Variants in CIT observed in about 807,000 individuals in gnomAD.
CIT encodes the protein citron Rho-interacting kinase.
Under a neutral mutation model 272.7 loss-of-function variants are expected in CIT, and 79 were observed. The ratio of observed to expected loss-of-function variants is 0.29; its 90% CI spans 0.24 to 0.35. The LOEUF (loss-of-function observed/expected upper bound fraction) is 0.35. Ranked by LOEUF, CIT falls within the 10% of genes least tolerant of loss-of-function variation. CIT has a pLI of 1.00. For synonymous variants in CIT, 948 were observed against 995.6 expected, an observed-to-expected ratio of 0.95 and a Z score of 0.90; for missense variants, 1,909 against 2,618.3, an observed-to-expected ratio of 0.73 and a Z score of 5.91.
At position 119,710,393 on chromosome 12, in the gene CIT, G is replaced by C; in HGVS notation, c.4936-7C>G. The C allele has an allele frequency of 6.2e-7, 1 of 1,614,080 alleles. No individual in the cohort carries two copies. The highest frequency in any genetic ancestry group is 8.5e-7 in the Non-Finnish European group (1 of 1,180,002). On this transcript the variant is annotated splice_polypyrimidine_tract_variant and splice_region_variant and intron_variant, in intron 38 of 47. Transcript: ENST00000392521. The surrounding 1 kb of genome is among the most constrained non-coding windows in gnomAD (Gnocchi z 5.6). Reference sequence around the variant, plus strand: ...CGGTGCCCACCAACACCACCTGCAAGGGCAGAAGTCCGAAGGCAGAACATA... The same window carrying C: ...CGGTGCCCACCAACACCACCTGCAACGGCAGAAGTCCGAAGGCAGAACATA...
At position 119,782,598 on chromosome 12, in the gene CIT, A is replaced by T. The variant is rs754666801; in HGVS notation, c.1585T>A (p.Ser529Thr). Residue 529 changes from serine (S) to threonine (T), a missense_variant, in exon 13 of 48, where the codon TCC (serine) becomes ACC (threonine). Ser to Thr is a moderately conservative substitution (Grantham distance 58, BLOSUM62 1). Around this residue, in one of 8 missense-constraint regions of CIT, gnomAD observed 19 missense variants for 21.4 expected, o/e 0.89. Coordinates refer to ENST00000392521, the MANE Select transcript of CIT (RefSeq NM_001206999.2). The part of the protein sequence containing the change: ...RSLEQARMEV[S>T]QEDDKALQLL... ...TGCAGTGCTTTGTCATCCTCCTGGGACACCTCCATCCGTGCTTGCTCCAAA... is the reference window on the plus strand; with the variant it reads ...TGCAGTGCTTTGTCATCCTCCTGGGTCACCTCCATCCGTGCTTGCTCCAAA... 10 of 1,614,174 alleles carry T rather than the reference A, an allele frequency of 6.2e-6. No homozygotes were observed. The Admixed American group carries it at 1.7e-4, about 27-fold the overall frequency.
At chr12:119,719,158 C>T (rs780905160) in intron 30 of CIT, among the ~76,000 whole-genome samples, 1 of 152,014 alleles carries the variant, frequency 6.6e-6, no homozygotes, top group Non-Finnish European at 1.5e-5. Context: ...CTGAGTCTTT[C>T]CCATTCAAAA....
chr12:119,814,826 C>T (rs1244874687), intron 9 of CIT, among the ~76,000 whole-genome samples: 7 of 151,986 alleles, frequency 4.6e-5, no homozygotes, highest in African/African-American at 1.7e-4. Flanking sequence ...TACCTGAGGT[C>T]AGGAGTTCGA....
intron 4 of CIT, among the ~76,000 whole-genome samples, chr12:119,855,715 T>C (rs1046631487): frequency 1.3e-5 from 2 of 152,182 alleles, no homozygotes; most frequent in African/African-American, 2.4e-5. Flanking sequence ...TATAATTTTA[T>C]AAGCCCCCAG....
chr12:119,795,569 G>A (rs961644460), intron 10 of CIT, among the ~76,000 whole-genome samples: 1 of 152,134 alleles, frequency 6.6e-6, no homozygotes, highest in East Asian at 1.9e-4. Context: ...GTACCTAGAA[G>A]AGTAGATTCT....
chr12:119,779,949 AAGATCAGCTG>A (rs1367080059), intron 13 of CIT, among the ~76,000 whole-genome samples: 3 of 152,250 alleles, frequency 2.0e-5, no homozygotes, highest in Admixed American at 6.5e-5. Context: ...GTCTGTTTGC[AAGATCAGCTG>A]AGAGAGAGCT....
chr12:119,790,553 C>T (rs61945559), intron 10 of CIT, among the ~76,000 whole-genome samples: 1 of 151,890 alleles, frequency 6.6e-6, no homozygotes, highest in Non-Finnish European at 1.5e-5. Flanking sequence ...TTTTTTTAAC[C>T]ACCTTCTCTA....
rs141388222 is a variant in CIT at position 119,755,425 on chromosome 12, C to T, written c.2706+1946G>A. On this transcript the variant is annotated intron_variant, in intron 22 of 47. Transcript: ENST00000392521. ...GCATAAACATGAGTACTACCCAAGG[C>T]TTAGACCTCAGACCGCTGTCTGCTT... is the stretch of plus-strand genomic sequence containing the variant. Among the ~76,000 whole-genome samples the T allele has an allele frequency of 4.6e-5, 7 of 152,326 alleles. No individual in the cohort carries two copies. In the East Asian group the frequency reaches 1.4e-3, roughly 29 times the overall value.
chr12:119,761,028 G>T lies in CIT; in HGVS notation c.2332C>A (p.Leu778Met). Reference protein sequence around the residue: ...KVLDNQIKKDLADKETLENMM... With the variant: ...KVLDNQIKKDMADKETLENMM... ...TTCTCCAGTGTCTCCTTGTCAGCCA[G>T]GTCTTTCTTTATCTGATTGTCCAAC... The change falls in exon 20 of 48, where the codon CTG (leucine) becomes ATG (methionine). Residue 778 changes from leucine (L) to methionine (M), a missense_variant. Physicochemically the swap from Leu to Met is conservative, Grantham distance 15 (BLOSUM62 2). This residue lies in a region of CIT where 530 missense variants were observed against 822.4 expected (regional missense o/e 0.64). Coordinates refer to ENST00000392521, the MANE Select transcript of CIT (RefSeq NM_001206999.2). The T allele has an allele frequency of 6.2e-7, 1 of 1,614,010 alleles. No individual in the cohort carries two copies. The highest frequency in any genetic ancestry group is 8.5e-7 in the Non-Finnish European group (1 of 1,179,914).
intron 7 of CIT, among the ~76,000 whole-genome samples, chr12:119,831,785 C>T (rs975082789): frequency 6.6e-6 from 1 of 152,076 alleles, no homozygotes; most frequent in Admixed American, 6.6e-5. Context: ...AGGAGAATGG[C>T]GTGAACCCAG....
chr12:119,821,674 T>G (rs60037042), intron 9 of CIT, among the ~76,000 whole-genome samples: 1 of 152,180 alleles, frequency 6.6e-6, no homozygotes, highest in Non-Finnish European at 1.5e-5. Context: ...AAGAAAAGAT[T>G]AAGTACTTGA....
intron 9 of CIT, among the ~76,000 whole-genome samples, chr12:119,809,270 A>G (rs1057083875): frequency 1.3e-5 from 2 of 152,278 alleles, no homozygotes; most frequent in Admixed American, 1.3e-4. Context: ...AATCATCTCA[A>G]TAGTGATGGG....
intron 7 of CIT, among the ~76,000 whole-genome samples, chr12:119,832,120 T>C (rs1968681601): frequency 6.6e-6 from 1 of 152,198 alleles, no homozygotes; most frequent in Non-Finnish European, 1.5e-5. Flanking sequence ...ACCTATCCTT[T>C]TTTGCGGAGT....
Position 119,728,473 on chromosome 12 carries a change from G to T in CIT, c.3591+29C>A. 1 of 1,421,528 alleles carries T rather than the reference G, an allele frequency of 7.0e-7. No individual in the cohort carries two copies. Among genetic ancestry groups the T allele is most frequent in the Non-Finnish European group, 9.7e-7 (1 of 1,028,898 alleles). 88.1% of individuals were successfully genotyped at this position (1,421,528 alleles called of 1,614,324 possible). On this transcript the variant is annotated intron_variant, in intron 28 of 47. Coordinates refer to ENST00000392521, the MANE Select transcript of CIT (RefSeq NM_001206999.2). This position sits in a 1 kb window ranked among gnomAD's most constrained non-coding sequence, Gnocchi z 4.3. ...ATTAAAAGAAAAAAAAAATCCACTT[G>T]GCCCTTCTCCCAGGTATTTCACACT...
intron 22 of CIT, among the ~76,000 whole-genome samples, chr12:119,755,499 C>T (rs1960832077): frequency 1.3e-5 from 2 of 152,216 alleles, no homozygotes; most frequent in African/African-American, 4.8e-5. Flanking sequence ...AGAATTCCAT[C>T]ACAAATATTT....
chr12:119,717,837 T>G (rs1235440942), intron 32 of CIT, among the ~76,000 whole-genome samples: 1 of 128,428 alleles, frequency 7.8e-6, no homozygotes. Context: ...CTGACTTCTT[T>G]CTTTTTTTTT....
In CIT at chr12:119,745,373, G is replaced by GAAAAAAAAAAAA. The variant is rs1959205778; in HGVS notation, c.2905-2910_2905-2909insTTTTTTTTTTTT. Among the ~76,000 whole-genome samples the GAAAAAAAAAAAA allele has an allele frequency of 2.2e-3, 5 of 2,238 alleles. 1 individual carries two copies. The highest frequency in any genetic ancestry group is 0.022 in the South Asian group (2 of 92). The allele number at this position is 2,238 out of a possible 152,430, so 1.5% of individuals were successfully genotyped here. On this transcript the variant is annotated intron_variant, in intron 23 of 47. Transcript: ENST00000392521. ...CTGAAATAAAAAACAGAAGAAACAA[G>GAAAAAAAAAAAA]CAAAAAAAAAAAAAAAAAAAAAAAA...
chr12:119,745,391 A>AAAAAAAAC (rs1331279923), intron 23 of CIT, among the ~76,000 whole-genome samples: 1 of 145,300 alleles, frequency 6.9e-6, no homozygotes, highest in East Asian at 2.0e-4. Context: ...AAAAAAAAAA[A>AAAAAAAAC]AAAAAAACAC....
At chr12:119,866,511 A>G (rs1950520065) in intron 3 of CIT, among the ~76,000 whole-genome samples, 1 of 152,194 alleles carries the variant, frequency 6.6e-6, no homozygotes, top group Non-Finnish European at 1.5e-5. Flanking sequence ...TTTGGTCTCT[A>G]TCACAACTAC....
Sources: gnomAD v4.1 joint callset for allele counts (sites outside exome capture counted in the v4.1 genomes callset) on GRCh38, gnomAD v4.1.1 for gene constraint, gnomAD v4.1.1 regional missense constraint, Gnocchi (gnomAD v3.1) non-coding constraint, MANE v1.5 for transcripts, NCBI Gene and HGNC (gene_info 2026-07-23, HGNC 2026-07-21) for gene names.